Variants in UST observed in about 807,000 individuals in gnomAD.
UST encodes the protein uronyl 2-sulfotransferase, also known as chondroitin sulfate 2-O-sulfotransferase.
In UST, 21 loss-of-function variants were observed where a neutral mutation model predicts 45.6. That is an observed-to-expected ratio of 0.46 (90% confidence interval 0.33 to 0.66). The LOEUF (loss-of-function observed/expected upper bound fraction) is 0.66. Ranked by LOEUF, UST falls within the 30% of genes least tolerant of loss-of-function variation. The probability of loss-of-function intolerance (pLI) is 0.02; values close to 1 mark genes in which losing one functional copy is unlikely to be tolerated. For missense variants in UST, 463 were observed against 512.4 expected, an observed-to-expected ratio of 0.90 and a Z score of 0.93; for synonymous variants, 215 against 200.6, an observed-to-expected ratio of 1.07 and a Z score of -0.61.
chr6:149,068,632 T>C (rs1776775949), intron 7 of UST, among the ~76,000 whole-genome samples: 1 of 152,218 alleles, frequency 6.6e-6, no homozygotes, highest in African/African-American at 2.4e-5. Context: ...ATATTTTACA[T>C]ATTTATGGGA....
intron 1 of UST, among the ~76,000 whole-genome samples, chr6:148,836,836 T>G (rs1234918967): frequency 6.6e-6 from 1 of 151,944 alleles, no homozygotes; most frequent in Non-Finnish European, 1.5e-5. Flanking sequence ...CCAAGGTGGG[T>G]GAGAAAGCAG....
intron 5 of UST, among the ~76,000 whole-genome samples, chr6:148,969,523 GC>G (rs1221518057): frequency 2.0e-5 from 3 of 152,152 alleles, no homozygotes; most frequent in African/African-American, 7.2e-5. Context: ...TACTTTGCCT[GC>G]ATTACAGGGT....
intron 2 of UST, among the ~76,000 whole-genome samples, chr6:148,904,759 A>G (rs1394082999): frequency 6.6e-6 from 1 of 152,150 alleles, no homozygotes; most frequent in Non-Finnish European, 1.5e-5. Context: ...CCTGACCTCA[A>G]GTGAAGTCCT....
At chr6:148,784,873 G>C (rs139631271) in intron 1 of UST, among the ~76,000 whole-genome samples, 19 of 152,334 alleles carry the variant, frequency 1.2e-4, no homozygotes, top group African/African-American at 4.3e-4. Flanking sequence ...AGCAGACTCA[G>C]GAAGAGCAGA....
intron 1 of UST, among the ~76,000 whole-genome samples, chr6:148,812,518 G>A (rs900506757): frequency 1.3e-5 from 2 of 152,182 alleles, no homozygotes; most frequent in Non-Finnish European, 2.9e-5. Context: ...TCTCTCATGA[G>A]GTTGCAGTCA....
intron 1 of UST, among the ~76,000 whole-genome samples, chr6:148,865,646 A>T (rs1260205902): frequency 6.7e-6 from 1 of 149,050 alleles, no homozygotes; most frequent in Non-Finnish European, 1.5e-5. Flanking sequence ...GCATTGACCC[A>T]TTCTTTCCTT....
intron 1 of UST, among the ~76,000 whole-genome samples, chr6:148,753,009 A>G (rs1776019960): frequency 1.3e-5 from 2 of 152,242 alleles, no homozygotes; most frequent in Non-Finnish European, 2.9e-5. Flanking sequence ...TTTATCAGAA[A>G]TAGGGACAGA....
chr6:149,069,096 G>A (rs1033304979), intron 7 of UST, among the ~76,000 whole-genome samples: 1 of 152,160 alleles, frequency 6.6e-6, no homozygotes, highest in African/African-American at 2.4e-5. Flanking sequence ...TGGCCAAATA[G>A]TATTCCATTG....
intron 5 of UST, among the ~76,000 whole-genome samples, chr6:148,989,873 A>C (rs1489004079): frequency 6.6e-6 from 1 of 152,238 alleles, no homozygotes; most frequent in Non-Finnish European, 1.5e-5. Context: ...TTTTTGGATA[A>C]TCAAATGAGT....
rs1470703198 is a variant in UST, at chr6:149,005,351, A to G, written c.682-13788A>G. The G allele has an allele frequency of 1.4e-5, 14 of 985,424 alleles. No individual in the cohort carries two copies. The South Asian group carries it at 4.7e-4, about 33-fold the overall frequency. The allele number at this position is 985,424 out of a possible 1,614,324, so 61.0% of individuals were successfully genotyped here. ...GTTGAGCGGCCCTGGCTGTAGAGGAAAGAAGACTCCAGAAGCTGGAGAAGA... is the reference window on the plus strand; with the variant it reads ...GTTGAGCGGCCCTGGCTGTAGAGGAGAGAAGACTCCAGAAGCTGGAGAAGA... On this transcript the variant is annotated intron_variant, in intron 5 of 7. Coordinates refer to ENST00000367463, the MANE Select transcript of UST (RefSeq NM_005715.3).
chr6:149,032,526 A>C (rs1187815283), intron 7 of UST: 4 of 153,708 alleles, frequency 2.6e-5, no homozygotes, highest in Non-Finnish European at 4.3e-5. Context: ...TTCTGTTACC[A>C]GTCACTGCCT....
chr6:148,856,140 C>A (rs1467759910), intron 1 of UST, among the ~76,000 whole-genome samples: 1 of 152,126 alleles, frequency 6.6e-6, no homozygotes, highest in Non-Finnish European at 1.5e-5. Context: ...CCTCAGCCTC[C>A]CAAGTAGCTG....
At chr6:149,068,693 G>T (rs1776776713) in intron 7 of UST, among the ~76,000 whole-genome samples, 1 of 152,114 alleles carries the variant, frequency 6.6e-6, no homozygotes. Context: ...TCAAATCAGG[G>T]TGTTTAGGGT....
At chr6:148,925,937 G>A (rs536279081) in intron 2 of UST, among the ~76,000 whole-genome samples, 4 of 152,330 alleles carry the variant, frequency 2.6e-5, no homozygotes, top group South Asian at 2.1e-4. Context: ...GAACTTTACC[G>A]TGACCTAGCA....
chr6:148,816,259 A>G (rs1023822906), intron 1 of UST, among the ~76,000 whole-genome samples: 1 of 152,226 alleles, frequency 6.6e-6, no homozygotes, highest in Non-Finnish European at 1.5e-5. Context: ...TTGCAGCCAC[A>G]TGGTCACCAT....
intron 1 of UST, among the ~76,000 whole-genome samples, chr6:148,854,051 G>A (rs1032167181): frequency 3.3e-5 from 5 of 152,118 alleles, no homozygotes; most frequent in African/African-American, 9.7e-5. Flanking sequence ...AGCTAGTGTC[G>A]GGTAGTTGAC....
chr6:148,927,065 C>CTG (rs1397024989), intron 2 of UST, among the ~76,000 whole-genome samples: 1 of 151,990 alleles, frequency 6.6e-6, no homozygotes, highest in African/African-American at 2.4e-5. Flanking sequence ...GACATTACTG[C>CTG]TGGAGCATGG....
At chr6:149,008,086 T>C (rs548020342) in intron 5 of UST, among the ~76,000 whole-genome samples, 1 of 152,258 alleles carries the variant, frequency 6.6e-6, no homozygotes, top group Non-Finnish European at 1.5e-5. Context: ...GTGCAGTCCG[T>C]GAGCTAACTT....
intron 5 of UST, among the ~76,000 whole-genome samples, chr6:149,016,175 A>G (rs1359887480): frequency 6.6e-6 from 1 of 152,202 alleles, no homozygotes; most frequent in East Asian, 1.9e-4. Context: ...CTCAAATGGA[A>G]CTCTTTGAAA....
Sources: allele counts gnomAD v4.1 joint callset (sites outside exome capture counted in the v4.1 genomes callset), GRCh38; gene constraint gnomAD v4.1.1; transcripts MANE v1.5; gene names NCBI Gene and HGNC (gene_info 2026-07-23, HGNC 2026-07-21).